The following PXDN variants were observed in gnomAD, a reference collection of about 807,000 sequenced individuals.
The protein encoded by PXDN is peroxidasin homolog.
A neutral mutation model predicts 140.3 loss-of-function variants in PXDN; 77 were observed. The observed-to-expected ratio is 0.55, with a 90% CI of 0.46 to 0.66. The LOEUF is 0.66. PXDN is among the 30% of genes least tolerant of loss of function. The pLI, the probability that PXDN is intolerant of heterozygous loss-of-function variation, is 0.00. For missense variants in PXDN, 1,838 were observed against 2,039.5 expected (o/e 0.90, Z 1.90); for synonymous variants, 911 against 857.4 (o/e 1.06, Z -1.09).
At chr2:1,635,649 G>C (rs989441797) in intron 21 of PXDN, 128 bp from the exon 22 acceptor site, 7 of 792,910 alleles carry the variant, frequency 8.8e-6, no homozygotes, top group African/African-American at 8.6e-5. Flanking sequence ...GAATATTTCT[G>C]AAGAACTTTT....
At chr2:1,738,275 T>C (rs1238480086) in intron 1 of PXDN, among the ~76,000 whole-genome samples, 1 of 152,204 alleles carries the variant, frequency 6.6e-6, no homozygotes, top group Admixed American at 6.5e-5. Context: ...GCTCACGTGT[T>C]GGTCACTAAA....
chr2:1,640,594 A>C (rs553342708), intron 19 of PXDN, among the ~76,000 whole-genome samples: 1 of 152,272 alleles, frequency 6.6e-6, no homozygotes, highest in South Asian at 2.1e-4. Context: ...TTCTGAGTAA[A>C]CCCAGCTGGC....
Position 1,690,180 on chromosome 2 carries a change from G to A in PXDN, c.344+1748C>T, listed in dbSNP as rs553828735. On this transcript the variant is annotated intron_variant, in intron 3 of 22. Coordinates refer to ENST00000252804, the MANE Select transcript of PXDN (RefSeq NM_012293.3). Reference sequence around the variant, plus strand: ...GCAGCTGCTGGGTGAAAGGGTCCCCGGGCCTCTCTGGACAGCTTCCCTCCA... The same window carrying A: ...GCAGCTGCTGGGTGAAAGGGTCCCCAGGCCTCTCTGGACAGCTTCCCTCCA... Among the ~76,000 whole-genome samples, 7 of 152,276 alleles carry A rather than the reference G, an allele frequency of 4.6e-5. No individual in the cohort carries two copies. The South Asian group carries it at 6.2e-4, about 14-fold the overall frequency.
intron 6 of PXDN, among the ~76,000 whole-genome samples, chr2:1,682,698 G>A (rs1308461817): frequency 1.3e-5 from 2 of 152,236 alleles, no homozygotes; most frequent in African/African-American, 4.8e-5. Context: ...CCAGCAGTTT[G>A]GGAGCCCAAG....
chr2:1,705,081 T>C (rs938519529), intron 1 of PXDN, among the ~76,000 whole-genome samples: 3 of 150,990 alleles, frequency 2.0e-5, no homozygotes, highest in East Asian at 2.0e-4. Flanking sequence ...TCAACCCTGA[T>C]GTCGCCCGGC....
intron 1 of PXDN, among the ~76,000 whole-genome samples, chr2:1,694,570 C>T (rs758635329): frequency 5.9e-5 from 9 of 152,242 alleles, no homozygotes; most frequent in South Asian, 4.1e-4. Flanking sequence ...CACCCGGGTT[C>T]GCTTTCCTCA....
rs117334770 is a variant in PXDN at position 1,717,128 on chromosome 2, G to A, written c.201-23994C>T. ...CAGCCATCGATCTTAAAATGCTAAG[G>A]CCTCCCCAAATCTGACGTCTAGAAA... On this transcript the variant is annotated intron_variant, in intron 1 of 22. Transcript: ENST00000252804. 0.019 allele frequency among the ~76,000 whole-genome samples: 2,855 copies of A among 152,232 alleles called. 264 individuals carry two copies. The East Asian group carries it at 0.3, about 16-fold the overall frequency.
At chr2:1,644,777 A>G in intron 17 of PXDN, 25 bp from the exon 18 acceptor site, 1 of 1,474,090 alleles carries the variant, frequency 6.8e-7, no homozygotes, top group Non-Finnish European at 9.1e-7. Context: ...GAAAACTGAA[A>G]TCTACCTAAC....
At chr2:1,736,642 G>A (rs1205305042) in intron 1 of PXDN, among the ~76,000 whole-genome samples, 2 of 151,604 alleles carry the variant, frequency 1.3e-5, no homozygotes, top group African/African-American at 4.9e-5. Context: ...CAAATAGCAA[G>A]ACTCCATCTC....
chr2:1,655,387 C>T (rs1683107776), intron 14 of PXDN, among the ~76,000 whole-genome samples: 1 of 151,608 alleles, frequency 6.6e-6, no homozygotes, highest in Admixed American at 6.6e-5. Flanking sequence ...TCACATTACA[C>T]ACACACACCA....
At chr2:1,711,646 CACTCCACCA>C (rs1558521738) in intron 1 of PXDN, among the ~76,000 whole-genome samples, 4 of 114,538 alleles carry the variant, frequency 3.5e-5, no homozygotes, top group Non-Finnish European at 5.4e-5. Context: ...CACCAGCACC[CACTCCACCA>C]GCACCCACTC....
At chr2:1,694,866 A>G (rs1200957679) in intron 1 of PXDN, among the ~76,000 whole-genome samples, 3 of 152,184 alleles carry the variant, frequency 2.0e-5, no homozygotes, top group African/African-American at 7.2e-5. Context: ...ACCAGCTGCA[A>G]TTTCAGGATA....
At chr2:1,656,963 C>T (rs1034333275) in intron 14 of PXDN, among the ~76,000 whole-genome samples, 4 of 150,640 alleles carry the variant, frequency 2.7e-5, no homozygotes, top group Non-Finnish European at 5.9e-5. Flanking sequence ...TCAGACCTGT[C>T]CCCTCCTGAC....
At chr2:1,706,914 C>T (rs1330675129) in intron 1 of PXDN, among the ~76,000 whole-genome samples, 2 of 106,210 alleles carry the variant, frequency 1.9e-5, no homozygotes, top group East Asian at 8.7e-4. Flanking sequence ...GCACGCTTCA[C>T]TGTTCACCAA....
At chr2:1,686,742 C>A (rs1021113650) in intron 4 of PXDN, among the ~76,000 whole-genome samples, 3 of 152,194 alleles carry the variant, frequency 2.0e-5, no homozygotes, top group Non-Finnish European at 4.4e-5. Context: ...GAAACATGAG[C>A]ACCGTGGGTC....
At chr2:1,663,557 T>C in intron 12 of PXDN, 48 bp downstream of exon 12, 2 of 1,600,912 alleles carry the variant, frequency 1.2e-6, no homozygotes, top group Non-Finnish European at 1.7e-6. Context: ...TGTTTCCTGA[T>C]AACCGATCTG....
chr2:1,740,113 G>A (rs1316705871), intron 1 of PXDN, among the ~76,000 whole-genome samples: 1 of 152,238 alleles, frequency 6.6e-6, no homozygotes, highest in African/African-American at 2.4e-5. Flanking sequence ...ACTCCCAGAA[G>A]ACGCAGTCAG....
At position 1,649,560 on chromosome 2, in the gene PXDN, C is replaced by G; in HGVS notation, c.2220G>C (p.Lys740Asn). 6.2e-7 allele frequency: 1 copy of G among 1,614,056 alleles called. No homozygotes were observed. The highest frequency in any genetic ancestry group is 8.5e-7 in the Non-Finnish European group (1 of 1,179,900). Residue 740 changes from lysine (K) to asparagine (N), a missense_variant, in exon 17 of 23, where the codon AAG becomes AAC. Lys to Asn is a moderately conservative substitution (Grantham distance 94, BLOSUM62 0). Transcript: ENST00000252804. The surrounding 1 kb of genome is among the most constrained non-coding windows in gnomAD (Gnocchi z 7.1). ...NNCSDMCFHQ[K>N]YRTHDGTCNN... is the part of the protein sequence containing the mutation. ...TACAGGTGCCGTCGTGCGTCCGGTA[C>G]TTCTGGTGGAAGCACATGTCCGAGC...
At chr2:1,635,387 G>C in intron 22 of PXDN, 21 bp downstream of exon 22, 1 of 1,550,720 alleles carries the variant, frequency 6.4e-7, no homozygotes, top group Non-Finnish European at 8.8e-7. Flanking sequence ...AGGACATGAA[G>C]ATAGAGCCCC....
Sources: gnomAD v4.1 joint callset for allele counts (sites outside exome capture counted in the v4.1 genomes callset) on GRCh38, gnomAD v4.1.1 for gene constraint, Gnocchi (gnomAD v3.1) non-coding constraint, MANE v1.5 for transcripts, NCBI Gene and HGNC (gene_info 2026-07-23, HGNC 2026-07-21) for gene names.